ASCC1: variants seen among roughly 807,000 people sequenced by gnomAD.
The protein encoded by ASCC1 is ASC-1 complex subunit P50.
A neutral mutation model predicts 46.6 loss-of-function variants in ASCC1; 35 were observed. The observed-to-expected ratio is 0.75, with a 90% CI of 0.57 to 0.99. The LOEUF (loss-of-function observed/expected upper bound fraction) is 0.99. ASCC1 is among the 50% of genes least tolerant of loss of function. ASCC1 has a pLI of 0.00. For synonymous variants in ASCC1, 143 were observed against 146.6 expected (o/e 0.98, Z 0.18); for missense variants, 376 against 428.7 (o/e 0.88, Z 1.09).
intron 7 of ASCC1, among the ~76,000 whole-genome samples, chr10:72,149,256 G>T (rs1285194221): frequency 6.6e-6 from 1 of 151,874 alleles, no homozygotes; most frequent in Non-Finnish European, 1.5e-5. Flanking sequence ...GGCTGACACG[G>T]TGAAACCCTG....
At chr10:72,195,407 C>T (rs1044350557) in intron 5 of ASCC1, among the ~76,000 whole-genome samples, 7 of 151,814 alleles carry the variant, frequency 4.6e-5, no homozygotes, top group African/African-American at 1.7e-4. Context: ...CCTCAGCCCT[C>T]CACAAAGTGT....
intron 5 of ASCC1, among the ~76,000 whole-genome samples, chr10:72,170,338 A>G (rs2132826619): frequency 6.6e-6 from 1 of 152,326 alleles, no homozygotes; most frequent in Middle Eastern, 3.4e-3. Flanking sequence ...GTATACTCTA[A>G]GAAGGACACA....
intron 9 of ASCC1, among the ~76,000 whole-genome samples, chr10:72,100,152 C>T (rs1841572101): frequency 6.6e-6 from 1 of 152,118 alleles, no homozygotes; most frequent in South Asian, 2.1e-4. Flanking sequence ...CTGTTCTTGT[C>T]CTCTATGTTT....
chr10:72,151,434 T>C (rs938981422), intron 7 of ASCC1, among the ~76,000 whole-genome samples: 10 of 143,782 alleles, frequency 7.0e-5, no homozygotes, highest in African/African-American at 2.6e-4. Context: ...ATCACACACC[T>C]GGACCTGTTG....
chr10:72,214,059 G>A (rs1031599770), intron 1 of ASCC1, among the ~76,000 whole-genome samples: 1 of 142,656 alleles, frequency 7.0e-6, no homozygotes, highest in African/African-American at 2.6e-5. Context: ...AAGAAAAAGA[G>A]AAAGAGAAAA....
rs138207829 is a variant in ASCC1 at position 72,160,424 on chromosome 10, G to A, written c.626+1114C>T. Among the ~76,000 whole-genome samples the A allele has an allele frequency of 2.5e-3, 373 of 152,224 alleles. 1 individual carries two copies. Among genetic ancestry groups the A allele is most frequent in the Non-Finnish European group, 4.5e-3 (309 of 68,008 alleles). ...AAGAAAGTAAAGGGAAATAGGGGAA[G>A]ATACGGTTCTTTGAAATAAAGCTGT... On this transcript the variant is annotated intron_variant, in intron 6 of 9. Coordinates refer to ENST00000672957, the MANE Select transcript of ASCC1 (RefSeq NM_001198800.3).
At chr10:72,150,519 T>C (rs1222688979) in intron 7 of ASCC1, among the ~76,000 whole-genome samples, 2 of 152,160 alleles carry the variant, frequency 1.3e-5, no homozygotes, top group Admixed American at 6.6e-5. Flanking sequence ...AAAGCTTTGA[T>C]TCAACTAATA....
rs546463597 is a variant in ASCC1 at position 72,195,150 on chromosome 10, T to G, written c.489+1661A>C. ...GTGTTTTTTGCTGTGTTTTTTTTTTTTTTTTTTTTTTTTTGAGACAGGGTC... is the reference window on the plus strand; with the variant it reads ...GTGTTTTTTGCTGTGTTTTTTTTTTGTTTTTTTTTTTTTTGAGACAGGGTC... On this transcript the variant is annotated intron_variant, in intron 5 of 9. Coordinates refer to ENST00000672957, the MANE Select transcript of ASCC1 (RefSeq NM_001198800.3). Among the ~76,000 whole-genome samples, 33 of 137,372 alleles carry G rather than the reference T, an allele frequency of 2.4e-4. No homozygotes were observed. In the East Asian group the frequency reaches 6.2e-3, roughly 26 times the overall value. The allele number at this position is 137,372 out of a possible 152,430, so 90.1% of individuals were successfully genotyped here.
At chr10:72,128,504 G>T (rs1184863295) in intron 8 of ASCC1, among the ~76,000 whole-genome samples, 1 of 152,148 alleles carries the variant, frequency 6.6e-6, no homozygotes, top group African/African-American at 2.4e-5. Flanking sequence ...TGAGAGGCAG[G>T]ACTAAGTGAT....
intron 9 of ASCC1, among the ~76,000 whole-genome samples, chr10:72,099,214 T>A (rs1841437291): frequency 6.6e-6 from 1 of 152,224 alleles, no homozygotes; most frequent in African/African-American, 2.4e-5. Context: ...TGACTTCACT[T>A]CACCTTATGC....
intron 9 of ASCC1, among the ~76,000 whole-genome samples, chr10:72,126,950 C>T (rs146891433): frequency 8.3e-4 from 126 of 152,302 alleles, no homozygotes; most frequent in African/African-American, 3.0e-3. Context: ...ATGCCTGAGA[C>T]GATGGCTGAC....
chr10:72,102,696 C>T (rs7915557), intron 9 of ASCC1, among the ~76,000 whole-genome samples: 15,676 of 152,040 alleles, frequency 0.1, 1,339 homozygotes, highest in African/African-American at 0.22. Context: ...AAAGATTGGC[C>T]GGATGTGGTG....
At chr10:72,146,942 G>T (rs1347853163) in intron 7 of ASCC1, among the ~76,000 whole-genome samples, 1 of 151,768 alleles carries the variant, frequency 6.6e-6, no homozygotes, top group African/African-American at 2.4e-5. Flanking sequence ...TAAAGAAAAA[G>T]ATTGAATGGT....
intron 9 of ASCC1, among the ~76,000 whole-genome samples, chr10:72,121,532 G>GA (rs112601039): frequency 1.2e-4 from 17 of 146,548 alleles, no homozygotes; most frequent in African/African-American, 4.2e-4. Context: ...AAAAAAAAAA[G>GA]AAAAGTAAAT....
chr10:72,205,038 C>A (rs1026375660), intron 3 of ASCC1, among the ~76,000 whole-genome samples: 1 of 152,318 alleles, frequency 6.6e-6, no homozygotes, highest in African/African-American at 2.4e-5. Flanking sequence ...CCACTGTAAG[C>A]CTACTTCTTC....
At chr10:72,156,813 C>A (rs1459483042) in intron 6 of ASCC1, among the ~76,000 whole-genome samples, 1 of 150,480 alleles carries the variant, frequency 6.6e-6, no homozygotes, top group Admixed American at 6.6e-5. Context: ...TAGGATCAAT[C>A]AAAAGACAGC....
At chr10:72,099,828 C>A (rs1281786087) in intron 9 of ASCC1, among the ~76,000 whole-genome samples, 1 of 151,830 alleles carries the variant, frequency 6.6e-6, no homozygotes, top group South Asian at 2.1e-4. Flanking sequence ...CTCAAACAAA[C>A]AAACAAATAA....
intron 5 of ASCC1, among the ~76,000 whole-genome samples, chr10:72,165,169 C>T (rs912720857): frequency 6.6e-6 from 1 of 151,916 alleles, no homozygotes; most frequent in Non-Finnish European, 1.5e-5. Flanking sequence ...GGCTGGAGTA[C>T]GATGGTGCAA....
Position 72,195,139 on chromosome 10 carries a change from G to GTTTTTTT in ASCC1, c.489+1665_489+1671dup, listed in dbSNP as rs142672810. Among the ~76,000 whole-genome samples the GTTTTTTT allele has an allele frequency of 8.5e-4, 52 of 61,030 alleles. 1 individual carries two copies. Among genetic ancestry groups the GTTTTTTT allele is most frequent in the African/African-American group, 9.8e-4 (15 of 15,282 alleles). The allele number at this position is 61,030 out of a possible 152,430, so 40.0% of individuals were successfully genotyped here. A position where few individuals can be genotyped will look rare whatever the true frequency, so the allele number is the denominator to read the frequency against. ...TTAGGTTTTGTGTGTTTTTTGCTGT[G>GTTTTTTT]TTTTTTTTTTTTTTTTTTTTTTTTT... On this transcript the variant is annotated intron_variant, in intron 5 of 9. Coordinates refer to ENST00000672957, the MANE Select transcript of ASCC1 (RefSeq NM_001198800.3).
Sources: allele counts gnomAD v4.1 joint callset (sites outside exome capture counted in the v4.1 genomes callset), GRCh38; gene constraint gnomAD v4.1.1; transcripts MANE v1.5; gene names NCBI Gene and HGNC (gene_info 2026-07-23, HGNC 2026-07-21).